The following FMNL2 variants were observed in gnomAD, a reference collection of about 807,000 sequenced individuals.
FMNL2 encodes formin like 2.
FMNL2 carries 51 observed loss-of-function variants against 130.2 expected under a neutral mutation model. The ratio of observed to expected loss-of-function variants is 0.39; its 90% CI spans 0.31 to 0.49. The LOEUF is 0.49. Ranked by LOEUF, FMNL2 falls within the 20% of genes least tolerant of loss-of-function variation. The pLI is 0.85. For missense variants in FMNL2, 977 were observed against 1,316.2 expected (o/e 0.74, Z 3.99); for synonymous variants, 465 against 467.1 (o/e 1.00, Z 0.06).
intron 6 of FMNL2, among the ~76,000 whole-genome samples, chr2:152,562,956 G>T (rs753777033): frequency 1.3e-5 from 2 of 152,164 alleles, no homozygotes; most frequent in Non-Finnish European, 2.9e-5. Flanking sequence ...CCTTAGTAAG[G>T]ATTTGTTTTT....
intron 21 of FMNL2, among the ~76,000 whole-genome samples, chr2:152,632,942 T>G (rs1682275403): frequency 6.6e-6 from 1 of 152,176 alleles, no homozygotes; most frequent in Admixed American, 6.5e-5. Context: ...ACCTCAGGCA[T>G]CTGGAATTTT....
In FMNL2 at chr2:152,558,730, T is replaced by TTC. The variant is rs1553476567; in HGVS notation, c.360-10_360-9insTC. 5,524 of 1,558,688 alleles carry TTC rather than the reference T, an allele frequency of 3.5e-3. 24 individuals carry two copies. The highest frequency in any genetic ancestry group is 0.031 in the African/African-American group (2,259 of 72,580). ...TTCTCCAATGATTTTTTTTTTTTTTTCCCCAACAGATGGGTCAGAGAATTT... is the reference window on the plus strand; with the variant it reads ...TTCTCCAATGATTTTTTTTTTTTTTTTCCCCCAACAGATGGGTCAGAGAATTT... On this transcript the variant is annotated splice_polypyrimidine_tract_variant and intron_variant, in intron 4 of 25. Transcript: ENST00000288670.
At chr2:152,453,790 A>G (rs572623871) in intron 1 of FMNL2, among the ~76,000 whole-genome samples, 1 of 152,338 alleles carries the variant, frequency 6.6e-6, no homozygotes, top group South Asian at 2.1e-4. Context: ...GAGATTGTGT[A>G]TAACAGAAAG....
chr2:152,613,557 G>A (rs1698793976), intron 11 of FMNL2, among the ~76,000 whole-genome samples: 1 of 152,130 alleles, frequency 6.6e-6, no homozygotes, highest in Non-Finnish European at 1.5e-5. Flanking sequence ...AAACCTAGGG[G>A]AAAATCCATT....
At chr2:152,554,683 A>C (rs1035010100) in intron 4 of FMNL2, among the ~76,000 whole-genome samples, 2 of 152,186 alleles carry the variant, frequency 1.3e-5, no homozygotes, top group African/African-American at 4.8e-5. Flanking sequence ...TTTTTGTTTG[A>C]AAGCTCAAAG....
At chr2:152,625,243 C>T (rs762672716) in intron 15 of FMNL2, 195 bp from the exon 16 acceptor site, 5 of 519,320 alleles carry the variant, frequency 9.6e-6, no homozygotes, top group Non-Finnish European at 1.6e-5. Flanking sequence ...ATGTGTTAGT[C>T]AACCAAATGA....
chr2:152,469,747 AT>A (rs1689753830), intron 1 of FMNL2, among the ~76,000 whole-genome samples: 1 of 152,228 alleles, frequency 6.6e-6, no homozygotes, highest in South Asian at 2.1e-4. Flanking sequence ...TTTTCTGGTT[AT>A]AATTTTTTTA....
chr2:152,553,124 C>G (rs1386489945), intron 4 of FMNL2, among the ~76,000 whole-genome samples: 1 of 152,144 alleles, frequency 6.6e-6, no homozygotes, highest in Non-Finnish European at 1.5e-5. Context: ...GATGTCTTCT[C>G]TCCTGCCCAC....
At chr2:152,630,016 C>T (rs772834617) in intron 20 of FMNL2, 111 bp downstream of exon 20, 1 of 925,584 alleles carries the variant, frequency 1.1e-6, no homozygotes, top group Non-Finnish European at 1.6e-6. Flanking sequence ...ATGGGAGGAT[C>T]AACTGGTACT....
intron 10 of FMNL2, 189 bp downstream of exon 10, chr2:152,607,602 T>C: frequency 1.9e-6 from 1 of 533,370 alleles, no homozygotes. Context: ...TGATTTCCAT[T>C]TTATTCCTTA....
At chr2:152,363,393 C>T (rs1032274143) in intron 1 of FMNL2, among the ~76,000 whole-genome samples, 1 of 152,110 alleles carries the variant, frequency 6.6e-6, no homozygotes, top group Non-Finnish European at 1.5e-5. Context: ...ATGAGGATGA[C>T]TGAATTCTAT....
intron 1 of FMNL2, among the ~76,000 whole-genome samples, chr2:152,437,874 C>G (rs1413536317): frequency 6.6e-6 from 1 of 152,192 alleles, no homozygotes; most frequent in Non-Finnish European, 1.5e-5. Flanking sequence ...CAATTTGAAG[C>G]CATTCACTCA....
intron 1 of FMNL2, among the ~76,000 whole-genome samples, chr2:152,455,495 T>A (rs113980676): frequency 4.9e-4 from 75 of 152,168 alleles, no homozygotes; most frequent in African/African-American, 1.7e-3. Flanking sequence ...AAAGGAGCAT[T>A]CAGGGTTTGG....
chr2:152,337,391 C>G (rs889864358), intron 1 of FMNL2, among the ~76,000 whole-genome samples: 5 of 143,448 alleles, frequency 3.5e-5, no homozygotes, highest in Middle Eastern at 3.3e-3. Flanking sequence ...CTGTGGTGCT[C>G]TGTGTGTGTG....
intron 1 of FMNL2, among the ~76,000 whole-genome samples, chr2:152,401,829 T>G (rs1233077681): frequency 6.6e-6 from 1 of 151,680 alleles, no homozygotes. Flanking sequence ...ACTTGAAAAT[T>G]GACCAAAAAG....
Position 152,648,087 on chromosome 2 carries a change from TA to T in FMNL2, c.*187del. Reference sequence around the variant, plus strand: ...CTTTCAACCCTTGTTAACAAGTGCCTAAAAATGGAAGTACCTGTTCAGATTA... The same window carrying T: ...CTTTCAACCCTTGTTAACAAGTGCCTAAAATGGAAGTACCTGTTCAGATTA... On this transcript the variant is annotated 3_prime_UTR_variant, in exon 26 of 26. Coordinates refer to ENST00000288670, the MANE Select transcript of FMNL2 (RefSeq NM_052905.4). The T allele has an allele frequency of 1.7e-6, 1 of 576,950 alleles. No homozygotes were observed. Among genetic ancestry groups the T allele is most frequent in the South Asian group, 2.3e-5 (1 of 44,268 alleles). The allele number at this position is 576,950 out of a possible 1,614,324, so 35.7% of individuals were successfully genotyped here.
Position 152,619,600 on chromosome 2 carries a change from T to A in FMNL2, c.1719T>A (p.Pro573=). The A allele has an allele frequency of 1.7e-6, 2 of 1,161,666 alleles. No individual in the cohort carries two copies. Among genetic ancestry groups the A allele is most frequent in the Non-Finnish European group, 2.2e-6 (2 of 903,334 alleles). The allele number at this position is 1,161,666 out of a possible 1,614,324, so 72.0% of individuals were successfully genotyped here. Residue 573 remains proline (P), a synonymous_variant, in exon 15 of 26, where the codon CCT becomes CCA. Coordinates refer to ENST00000288670, the MANE Select transcript of FMNL2 (RefSeq NM_052905.4). Reference sequence around the variant, plus strand: ...CCCCACCGCCCCCTCCGCCTCCTCCTCTCCCAGGCCCTGCAGCTGAGACTG... The same window carrying A: ...CCCCACCGCCCCCTCCGCCTCCTCCACTCCCAGGCCCTGCAGCTGAGACTG... ...PPPPPPPPPP[P]LPGPAAETVP...
chr2:152,545,595 CT>C, intron 3 of FMNL2, among the ~76,000 whole-genome samples: 1 of 152,180 alleles, frequency 6.6e-6, no homozygotes, highest in East Asian at 1.9e-4. Context: ...GATTCTGGTC[CT>C]TTGCTGGCGC....
At chr2:152,545,801 G>T (rs1460098554) in intron 3 of FMNL2, among the ~76,000 whole-genome samples, 1 of 152,208 alleles carries the variant, frequency 6.6e-6, no homozygotes, top group Non-Finnish European at 1.5e-5. Flanking sequence ...GAAGTGCAAA[G>T]TGTTAGCACT....
Sources: allele counts gnomAD v4.1 joint callset (sites outside exome capture counted in the v4.1 genomes callset), GRCh38; gene constraint gnomAD v4.1.1; transcripts MANE v1.5; gene names NCBI Gene and HGNC (gene_info 2026-07-23, HGNC 2026-07-21).